Variants in MGAT5 observed in about 807,000 individuals in gnomAD.
MGAT5 encodes alpha-1,6-mannosylglycoprotein 6-beta-N-acetylglucosaminyltransferase.
MGAT5 carries 30 observed loss-of-function variants against 94.3 expected under a neutral mutation model. The ratio of observed to expected loss-of-function variants is 0.32; its 90% confidence interval spans 0.24 to 0.43. The LOEUF (loss-of-function observed/expected upper bound fraction) is 0.43. Ranked by LOEUF, MGAT5 falls within the 20% of genes least tolerant of loss-of-function variation. The probability of loss-of-function intolerance (pLI) is 1.00; values close to 1 mark genes in which losing one functional copy is unlikely to be tolerated. For synonymous variants in MGAT5, 310 were observed against 322.9 expected, an observed-to-expected ratio of 0.96 and a Z score of 0.43; for missense variants, 691 against 905.5, an observed-to-expected ratio of 0.76 and a Z score of 3.04.
chr2:134,140,288 G>A (rs1686599170), intron 1 of MGAT5, among the ~76,000 whole-genome samples: 1 of 152,234 alleles, frequency 6.6e-6, no homozygotes, highest in Non-Finnish European at 1.5e-5. Context: ...GGGTGTGGGA[G>A]CTGTGGCCGT....
chr2:134,225,820 G>C (rs1681032300), intron 1 of MGAT5, among the ~76,000 whole-genome samples: 1 of 152,208 alleles, frequency 6.6e-6, no homozygotes, highest in South Asian at 2.1e-4. Context: ...AGGGACCAGA[G>C]AGAATAGCCT....
chr2:134,339,668 C>T (rs572027512), intron 6 of MGAT5, among the ~76,000 whole-genome samples: 222 of 152,228 alleles, frequency 1.5e-3, no homozygotes, highest in Non-Finnish European at 2.7e-3. Flanking sequence ...AGAAACTAGA[C>T]TTCTGAATAT....
chr2:134,286,277 A>C (rs1558761100), intron 2 of MGAT5, among the ~76,000 whole-genome samples: 1 of 152,144 alleles, frequency 6.6e-6, no homozygotes. Context: ...CCTGCTGTAC[A>C]GTTGTCGTAG....
At chr2:134,448,425 A>G (rs557899168) in intron 15 of MGAT5, among the ~76,000 whole-genome samples, 2 of 152,240 alleles carry the variant, frequency 1.3e-5, no homozygotes, top group South Asian at 4.1e-4. Context: ...AGCCTCAAAC[A>G]CACACCCCTG....
intron 2 of MGAT5, among the ~76,000 whole-genome samples, chr2:134,291,889 C>T (rs1685387664): frequency 6.6e-6 from 1 of 152,148 alleles, no homozygotes; most frequent in Admixed American, 6.5e-5. Flanking sequence ...TATAGTGCTT[C>T]GTCTCTCCCT....
intron 1 of MGAT5, among the ~76,000 whole-genome samples, chr2:134,214,310 C>T (rs930680214): frequency 2.6e-5 from 4 of 151,738 alleles, no homozygotes; most frequent in Non-Finnish European, 5.9e-5. Flanking sequence ...GAGGGGCATG[C>T]AAAGTGATGC....
At chr2:134,375,334 CTCCAACCCA>C (rs1302226300) in intron 10 of MGAT5, among the ~76,000 whole-genome samples, 2 of 152,318 alleles carry the variant, frequency 1.3e-5, no homozygotes, top group East Asian at 3.9e-4. Context: ...CCTCCTCTGT[CTCCAACCCA>C]TCCTCTCAAA....
chr2:134,410,992 G>A (rs1217201211), intron 11 of MGAT5, among the ~76,000 whole-genome samples: 2 of 152,170 alleles, frequency 1.3e-5, no homozygotes, highest in African/African-American at 4.8e-5. Context: ...TCCAAAGTCT[G>A]ATAGGAGAGG....
chr2:134,428,510 AC>A, intron 14 of MGAT5, 71 bp downstream of exon 14: 1 of 1,355,846 alleles, frequency 7.4e-7, no homozygotes, highest in Non-Finnish European at 1.0e-6. Flanking sequence ...GCTCTCAAGA[AC>A]ATTTAAGAGC....
In MGAT5 at chr2:134,327,046, A is replaced by G. The variant is rs145539457; in HGVS notation, c.573+8307A>G. Among the ~76,000 whole-genome samples the G allele has an allele frequency of 3.3e-5, 5 of 152,224 alleles. No individual in the cohort carries two copies. The East Asian group carries it at 9.7e-4, about 29-fold the overall frequency. ...ACAATGATGTCTGGCACATGGGTTT[A>G]TTGAATGAATGGTTCTATCTGAAGC... On this transcript the variant is annotated intron_variant, in intron 4 of 15. Coordinates refer to ENST00000281923, the MANE Select transcript of MGAT5 (RefSeq NM_002410.5).
At chr2:134,193,923 TA>T (rs1679369438) in intron 1 of MGAT5, among the ~76,000 whole-genome samples, 1 of 152,170 alleles carries the variant, frequency 6.6e-6, no homozygotes, top group Non-Finnish European at 1.5e-5. Flanking sequence ...TGAGTAAAAA[TA>T]AACTTGCCTG....
At chr2:134,131,863 G>A (rs908568344) in intron 1 of MGAT5, among the ~76,000 whole-genome samples, 2 of 152,296 alleles carry the variant, frequency 1.3e-5, no homozygotes, top group African/African-American at 4.8e-5. Flanking sequence ...CCATGAGATC[G>A]TGCCCAGGCT....
intron 1 of MGAT5, among the ~76,000 whole-genome samples, chr2:134,167,695 A>G (rs1688023544): frequency 1.3e-5 from 2 of 152,226 alleles, no homozygotes; most frequent in African/African-American, 4.8e-5. Flanking sequence ...ATGGTGTGCA[A>G]GTCTTGTAAA....
At chr2:134,345,337 C>T (rs770491795) in intron 8 of MGAT5, among the ~76,000 whole-genome samples, 11 of 152,184 alleles carry the variant, frequency 7.2e-5, no homozygotes, top group Admixed American at 5.2e-4. Flanking sequence ...ATGCCAGTGT[C>T]ATCTATTTAA....
At chr2:134,348,164 GATGCTCTGAGCTATTCAA>G (rs1413156341) in intron 8 of MGAT5, among the ~76,000 whole-genome samples, 2 of 152,162 alleles carry the variant, frequency 1.3e-5, no homozygotes, top group African/African-American at 4.8e-5. Flanking sequence ...AGTGGAAAGG[GATGCTCTGAGCTATTCAA>G]AGAGCAACAA....
At chr2:134,179,477 A>C (rs910070277) in intron 1 of MGAT5, among the ~76,000 whole-genome samples, 3 of 152,158 alleles carry the variant, frequency 2.0e-5, no homozygotes, top group African/African-American at 7.2e-5. Context: ...TATCTTCTCT[A>C]GGAGCAATGT....
intron 1 of MGAT5, among the ~76,000 whole-genome samples, chr2:134,199,138 G>T (rs1447103807): frequency 2.6e-5 from 4 of 152,202 alleles, no homozygotes; most frequent in African/African-American, 9.7e-5. Flanking sequence ...TCTGGACTTG[G>T]TATGTTAAGC....
At chr2:134,395,332 C>T (rs1227323961) in intron 10 of MGAT5, among the ~76,000 whole-genome samples, 4 of 152,142 alleles carry the variant, frequency 2.6e-5, no homozygotes, top group Admixed American at 6.5e-5. Flanking sequence ...CGTTAAATGG[C>T]AGAAAGCTCT....
intron 2 of MGAT5, among the ~76,000 whole-genome samples, chr2:134,302,475 G>A (rs550402405): frequency 6.6e-6 from 1 of 151,988 alleles, no homozygotes; most frequent in South Asian, 2.1e-4. Flanking sequence ...TTTATATTTA[G>A]CCCCATATTA....
Sources: gnomAD v4.1 joint callset for allele counts (sites outside exome capture counted in the v4.1 genomes callset) on GRCh38, gnomAD v4.1.1 for gene constraint, MANE v1.5 for transcripts, NCBI Gene and HGNC (gene_info 2026-07-23, HGNC 2026-07-21) for gene names.